The following PARPBP variants were observed in gnomAD, a reference collection of about 807,000 sequenced individuals.
PARPBP encodes the protein PARP1 binding protein, also known as PCNA-interacting partner.
PARPBP carries 52 observed loss-of-function variants against 50.0 expected under a neutral mutation model. The ratio of observed to expected loss-of-function variants is 1.04; its 90% CI spans 0.83 to 1.31. The LOEUF (loss-of-function observed/expected upper bound fraction) is 1.31. PARPBP is among the 50% of genes most tolerant of loss of function. PARPBP has a pLI of 0.00. For synonymous variants in PARPBP, 244 were observed against 232.1 expected (o/e 1.05, Z -0.47); for missense variants, 697 against 672.0 (o/e 1.04, Z -0.41).
At chr12:102,124,827 G>A (rs1881716128) in intron 2 of PARPBP, among the ~76,000 whole-genome samples, 1 of 152,238 alleles carries the variant, frequency 6.6e-6, no homozygotes, top group Middle Eastern at 3.4e-3. Context: ...GTAGTTTCCA[G>A]ATTTTTAGAT....
intron 3 of PARPBP, 88 bp downstream of exon 3, chr12:102,148,551 T>C: frequency 1.8e-6 from 1 of 557,206 alleles, no homozygotes; most frequent in Non-Finnish European, 3.0e-6. Context: ...TTATAGTAAC[T>C]TGGTAATGTT....
At chr12:102,172,779 G>A (rs1235858031) in intron 6 of PARPBP, among the ~76,000 whole-genome samples, 1 of 152,034 alleles carries the variant, frequency 6.6e-6, no homozygotes, top group Non-Finnish European at 1.5e-5. Flanking sequence ...CTTATAATTG[G>A]CACTAAGACA....
chr12:102,138,158 C>T (rs1203147324), intron 2 of PARPBP, among the ~76,000 whole-genome samples: 1 of 152,196 alleles, frequency 6.6e-6, no homozygotes, highest in Non-Finnish European at 1.5e-5. Context: ...ACATCCTCTC[C>T]AGCACCTTTT....
chr12:102,163,928 C>T (rs1434239086), intron 4 of PARPBP, among the ~76,000 whole-genome samples: 1 of 152,122 alleles, frequency 6.6e-6, no homozygotes, highest in Non-Finnish European at 1.5e-5. Context: ...TCTAGGTCTA[C>T]TTGGTGACAA....
chr12:102,130,480 A>T (rs1047535852), intron 2 of PARPBP, among the ~76,000 whole-genome samples: 1 of 152,230 alleles, frequency 6.6e-6, no homozygotes, highest in Non-Finnish European at 1.5e-5. Flanking sequence ...AAATTTTTGC[A>T]AACTATACAT....
chr12:102,147,403 C>T (rs1885526597), intron 2 of PARPBP, among the ~76,000 whole-genome samples: 1 of 152,044 alleles, frequency 6.6e-6, no homozygotes. Context: ...ATGATGAGTT[C>T]ATGTCCTTTG....
intron 6 of PARPBP, among the ~76,000 whole-genome samples, chr12:102,174,753 G>A (rs1365357174): frequency 6.6e-6 from 1 of 152,098 alleles, no homozygotes; most frequent in African/African-American, 2.4e-5. Context: ...TCTCACATTT[G>A]TCCTTTAGAG....
chr12:102,165,883 G>T lies in PARPBP; in HGVS notation c.821G>T (p.Ser274Ile). ...ATTCTTGGAGAAATACCAAACCCAA[G>T]GTAATGACTTTTCATATATTACAAA... ...DEILGEIPNP[S>I]IAGGQILSVI... Residue 274 changes from serine (S) to isoleucine (I), a missense_variant and splice_region_variant, in exon 6 of 11, where the codon AGC becomes ATC. Ser to Ile is a moderately radical substitution (Grantham distance 142). Coordinates refer to ENST00000327680, the MANE Select transcript of PARPBP (RefSeq NM_017915.5). 1 of 1,517,810 alleles carries T rather than the reference G, an allele frequency of 6.6e-7. No individual in the cohort carries two copies. Among genetic ancestry groups the T allele is most frequent in the Non-Finnish European group, 9.1e-7 (1 of 1,103,814 alleles). 94.0% of individuals were successfully genotyped at this position (1,517,810 alleles called of 1,614,324 possible).
Position 102,135,615 on chromosome 12 carries a change from T to A in PARPBP, c.153+11574T>A, listed in dbSNP as rs926551868. Among the ~76,000 whole-genome samples, 158 of 141,176 alleles carry A rather than the reference T, an allele frequency of 1.1e-3. 2 individuals are homozygous for A. Among genetic ancestry groups the A allele is most frequent in the African/African-American group, 3.8e-3 (141 of 37,238 alleles). The allele number at this position is 141,176 out of a possible 152,430, so 92.6% of individuals were successfully genotyped here. A position where few individuals can be genotyped will look rare whatever the true frequency, so the allele number is the denominator to read the frequency against. ...ATTGGATGGAGTAGTGGCCAGGAAA[T>A]AAAGATTAGTTTAATAAGGTTTGTA... On this transcript the variant is annotated intron_variant, in intron 2 of 10. Transcript: ENST00000327680.
intron 2 of PARPBP, among the ~76,000 whole-genome samples, chr12:102,139,598 A>G (rs1884226154): frequency 6.6e-6 from 1 of 152,244 alleles, no homozygotes; most frequent in Non-Finnish European, 1.5e-5. Flanking sequence ...TTGCCCATTC[A>G]GTATGATATT....
At chr12:102,163,265 A>G (rs1887790785) in intron 4 of PARPBP, among the ~76,000 whole-genome samples, 1 of 152,144 alleles carries the variant, frequency 6.6e-6, no homozygotes, top group South Asian at 2.1e-4. Context: ...AGTAATTTAG[A>G]TTGTTTCTCA....
chr12:102,157,812 G>GTAGTATCTA (rs199866313), intron 4 of PARPBP, among the ~76,000 whole-genome samples: 3,906 of 152,054 alleles, frequency 0.026, 141 homozygotes, highest in African/African-American at 0.077. Flanking sequence ...AGTTATTTCT[G>GTAGTATCTA]TAGTATCTAT....
intron 6 of PARPBP, among the ~76,000 whole-genome samples, chr12:102,174,909 C>T (rs1012421375): frequency 2.6e-5 from 4 of 152,182 alleles, no homozygotes; most frequent in Non-Finnish European, 4.4e-5. Flanking sequence ...GTTTCCTCTT[C>T]CATGTAATAA....
At chr12:102,122,287 G>A (rs1199434161) in intron 1 of PARPBP, among the ~76,000 whole-genome samples, 1 of 152,104 alleles carries the variant, frequency 6.6e-6, no homozygotes, top group Non-Finnish European at 1.5e-5. Context: ...TATTTACTAG[G>A]ATTTGCATTT....
chr12:102,153,566 TC>T (rs1282206574), intron 3 of PARPBP, among the ~76,000 whole-genome samples: 2 of 152,126 alleles, frequency 1.3e-5, no homozygotes, highest in African/African-American at 4.8e-5. Context: ...GGTCTTGAAC[TC>T]CCGGGCTCCA....
chr12:102,121,694 G>C (rs1235863684), intron 1 of PARPBP, among the ~76,000 whole-genome samples: 15 of 151,820 alleles, frequency 9.9e-5, no homozygotes, highest in African/African-American at 3.6e-4. Context: ...GCTGGGGTTA[G>C]AGGCACACAC....
At chr12:102,166,865 G>T (rs1241836989) in intron 6 of PARPBP, among the ~76,000 whole-genome samples, 1 of 152,092 alleles carries the variant, frequency 6.6e-6, no homozygotes, top group African/African-American at 2.4e-5. Flanking sequence ...TTGGAAGAGG[G>T]TTTTGAAAAT....
At chr12:102,172,028 A>G (rs1565892167) in intron 6 of PARPBP, among the ~76,000 whole-genome samples, 1 of 152,250 alleles carries the variant, frequency 6.6e-6, no homozygotes, top group Non-Finnish European at 1.5e-5. Flanking sequence ...TGAAGAACTC[A>G]GTAATTACAT....
At chr12:102,152,794 C>CCGGGAGGCGG (rs1565875129) in intron 3 of PARPBP, among the ~76,000 whole-genome samples, 7 of 150,836 alleles carry the variant, frequency 4.6e-5, no homozygotes, top group African/African-American at 1.5e-4. Context: ...AAAGGGTTCC[C>CCGGGAGGCGG]AACCCTTTGG....
Sources: allele counts gnomAD v4.1 joint callset (sites outside exome capture counted in the v4.1 genomes callset), GRCh38; gene constraint gnomAD v4.1.1; transcripts MANE v1.5; gene names NCBI Gene and HGNC (gene_info 2026-07-23, HGNC 2026-07-21).